Variants in COPZ1 observed in about 807,000 individuals in gnomAD.
COPZ1 encodes the protein coatomer subunit zeta-1.
Under a neutral mutation model 31.7 loss-of-function variants are expected in COPZ1, and 4 were observed. The ratio of observed to expected loss-of-function variants is 0.13; its 90% CI spans 0.06 to 0.29. The LOEUF is 0.29. COPZ1 is among the 10% of genes least tolerant of loss of function. COPZ1 has a pLI of 1.00. For missense variants in COPZ1, 156 were observed against 211.5 expected, an observed-to-expected ratio of 0.74 and a Z score of 1.63; for synonymous variants, 74 against 79.0, an observed-to-expected ratio of 0.94 and a Z score of 0.33.
chr12:54,335,941 G>A (rs1430911828), intron 1 of COPZ1, among the ~76,000 whole-genome samples: 1 of 152,114 alleles, frequency 6.6e-6, no homozygotes, highest in Non-Finnish European at 1.5e-5. Context: ...GCTTCCAAAA[G>A]TGCTAGGATT....
intron 7 of COPZ1, among the ~76,000 whole-genome samples, chr12:54,348,983 C>T (rs1291434999): frequency 6.6e-6 from 1 of 151,816 alleles, no homozygotes; most frequent in African/African-American, 2.4e-5. Flanking sequence ...TCTCCCCATT[C>T]ACAGAATGTC....
At chr12:54,345,968 A>G (rs1954056141) in intron 5 of COPZ1, among the ~76,000 whole-genome samples, 1 of 151,598 alleles carries the variant, frequency 6.6e-6, no homozygotes, top group Non-Finnish European at 1.5e-5. Context: ...AAAAAAAAAA[A>G]AAAAGTTGGG....
intron 1 of COPZ1, among the ~76,000 whole-genome samples, chr12:54,333,553 G>T (rs1354527103): frequency 6.6e-6 from 1 of 152,046 alleles, no homozygotes; most frequent in African/African-American, 2.4e-5. Flanking sequence ...TATAGTACAA[G>T]TATTGTAGCC....
At chr12:54,341,833 G>GT (rs946263656) in intron 2 of COPZ1, among the ~76,000 whole-genome samples, 4 of 152,192 alleles carry the variant, frequency 2.6e-5, no homozygotes, top group African/African-American at 9.6e-5. Context: ...TGCTTCTAGT[G>GT]TTTTTTGTGT....
rs1307939804 is a variant in COPZ1, at chr12:54,326,123, G to GAATAATAATAATAATAAT, written c.18+945_18+946insAATAATAATAATAATAAT. Among the ~76,000 whole-genome samples, 75 of 123,540 alleles carry GAATAATAATAATAATAAT rather than the reference G, an allele frequency of 6.1e-4. No homozygotes were observed. The East Asian group carries it at 0.012, about 19-fold the overall frequency. 81.0% of individuals were successfully genotyped at this position (123,540 alleles called of 152,430 possible). On this transcript the variant is annotated intron_variant, in intron 1 of 8. Transcript: ENST00000262061. ...GGCTTGAACCACCGCGCCTGGCCAG[G>GAATAATAATAATAATAAT]AATTATTATTATTATTATTATTATT...
Position 54,333,001 on chromosome 12 carries a change from G to A in COPZ1, c.19-7546G>A, listed in dbSNP as rs900379836. Among the ~76,000 whole-genome samples the A allele has an allele frequency of 3.3e-5, 5 of 151,754 alleles. No homozygotes were observed. In the South Asian group the frequency reaches 1.0e-3, roughly 32 times the overall value. Reference sequence around the variant, plus strand: ...AGAATCTCATTTAATTCTAAACTCGGCTCTGTGAACTCTTTGAAATCATAA... The same window carrying A: ...AGAATCTCATTTAATTCTAAACTCGACTCTGTGAACTCTTTGAAATCATAA... On this transcript the variant is annotated intron_variant, in intron 1 of 8. Transcript: ENST00000262061.
At chr12:54,335,922 C>T (rs972336313) in intron 1 of COPZ1, among the ~76,000 whole-genome samples, 3 of 152,146 alleles carry the variant, frequency 2.0e-5, no homozygotes, top group Admixed American at 2.0e-4. Context: ...CTAGTGATCT[C>T]CTGCCTCAGC....
intron 4 of COPZ1, 50 bp from the exon 5 acceptor site, chr12:54,345,410 G>T: frequency 6.9e-7 from 1 of 1,449,022 alleles, no homozygotes; most frequent in Non-Finnish European, 9.6e-7. Flanking sequence ...TTAGGTAGCA[G>T]CTTTCAGGGC....
chr12:54,335,489 A>G (rs1472416869), intron 1 of COPZ1, among the ~76,000 whole-genome samples: 2 of 151,374 alleles, frequency 1.3e-5, no homozygotes, highest in African/African-American at 4.9e-5. Context: ...GCTCACCGCA[A>G]CCTCTGCCTC....
intron 8 of COPZ1, 72 bp from the exon 9 acceptor site, chr12:54,350,404 G>C (rs1041985532): frequency 8.5e-7 from 1 of 1,171,996 alleles, no homozygotes; most frequent in African/African-American, 1.5e-5. Context: ...GTGAGGGGAA[G>C]GAGATCCCCA....
At position 54,347,812 on chromosome 12, in the gene COPZ1, G is replaced by T; in HGVS notation, c.363G>T (p.Leu121=). 2 of 1,612,718 alleles carry T rather than the reference G, an allele frequency of 1.2e-6. No homozygotes were observed. Among genetic ancestry groups the T allele is most frequent in the Non-Finnish European group, 1.7e-6 (2 of 1,179,668 alleles). ...CACTGCTGGAGAACATGGAGGGGCT[G>T]TTCTTGGCTGTGGATGAAATTGTAG... ...KRALLENMEG[L]FLAVDEIVDG... The change falls in exon 6 of 9, where the codon CTG becomes CTT. Residue 121 remains leucine (L), a synonymous_variant. Coordinates refer to ENST00000262061, the MANE Select transcript of COPZ1 (RefSeq NM_016057.3).
intron 1 of COPZ1, among the ~76,000 whole-genome samples, chr12:54,328,923 G>T (rs1953706880): frequency 6.6e-6 from 1 of 152,218 alleles, no homozygotes; most frequent in African/African-American, 2.4e-5. Flanking sequence ...ATCAAAGTTT[G>T]CATTGATTGT....
rs115170901 is a variant in COPZ1, at chr12:54,327,993, C to T, written c.18+2812C>T. On this transcript the variant is annotated intron_variant, in intron 1 of 8. Transcript: ENST00000262061. ...TATATGTGAAAGTATCTCTGTCGGG[C>T]GCAGTGCAGTGGCTCATGCCTGTAA... is the stretch of plus-strand genomic sequence containing the variant. Among the ~76,000 whole-genome samples the T allele has an allele frequency of 4.6e-3, 681 of 149,240 alleles. 6 individuals are homozygous for T. The highest frequency in any genetic ancestry group is 0.016 in the African/African-American group (637 of 40,502).
chr12:54,342,078 G>A (rs539289083), intron 2 of COPZ1, 128 bp from the exon 3 acceptor site: 1 of 659,492 alleles, frequency 1.5e-6, no homozygotes, highest in African/African-American at 1.8e-5. Context: ...CCTTTTCCAT[G>A]TCAGTATTTC....
Position 54,343,275 on chromosome 12 carries a change from G to C in COPZ1, c.220G>C (p.Asp74His). The stretch of plus-strand genomic sequence containing the variant: ...GACAGTGGTATACAAAAGCAGTATA[G>C]ATCTCTATTTCTATGTGATTGGCAG... The part of the protein sequence containing the change: ...GLTVVYKSSI[D>H]LYFYVIGSSY... Residue 74 changes from aspartate (D) to histidine (H), a missense_variant, in exon 4 of 9, where the codon GAT becomes CAT. By Grantham distance (81) the Asp-to-His change is moderately conservative (BLOSUM62 -1). Transcript: ENST00000262061. 1 of 1,614,060 alleles carries C rather than the reference G, an allele frequency of 6.2e-7. No individual in the cohort carries two copies. Among genetic ancestry groups the C allele is most frequent in the Non-Finnish European group, 8.5e-7 (1 of 1,179,952 alleles).
At chr12:54,334,186 G>C (rs1953811976) in intron 1 of COPZ1, among the ~76,000 whole-genome samples, 1 of 151,682 alleles carries the variant, frequency 6.6e-6, no homozygotes, top group Admixed American at 6.6e-5. Flanking sequence ...CTGAGGTCAG[G>C]AGTTCGAGAC....
chr12:54,346,733 G>T, intron 5 of COPZ1: 1 of 689,402 alleles, frequency 1.5e-6, no homozygotes, highest in Non-Finnish European at 2.7e-6. Flanking sequence ...GTGCATACCT[G>T]TAGTCTCAGC....
In COPZ1 at chr12:54,347,863, C is replaced by T. The variant is rs770946815; in HGVS notation, c.395+19C>T. 3 of 1,612,740 alleles carry T rather than the reference C, an allele frequency of 1.9e-6. No homozygotes were observed. The highest frequency in any genetic ancestry group is 2.5e-6 in the Non-Finnish European group (3 of 1,179,154). ...ATGGAGGGTAAGTTCTCTGACCTGC[C>T]TTGATCTTGGGTGAGGTGGCGGGAT... On this transcript the variant is annotated intron_variant, in intron 6 of 8. Transcript: ENST00000262061.
chr12:54,331,791 T>C (rs542089274), intron 1 of COPZ1, among the ~76,000 whole-genome samples: 2 of 152,268 alleles, frequency 1.3e-5, no homozygotes, highest in African/African-American at 4.8e-5. Flanking sequence ...GGAATGGATC[T>C]AGCCCCTTTT....
Sources: gnomAD v4.1 joint callset for allele counts (sites outside exome capture counted in the v4.1 genomes callset) on GRCh38, gnomAD v4.1.1 for gene constraint, MANE v1.5 for transcripts, NCBI Gene and HGNC (gene_info 2026-07-23, HGNC 2026-07-21) for gene names.